The following CACNA2D2 variants were observed in gnomAD, a reference collection of about 807,000 sequenced individuals.
CACNA2D2 encodes calcium voltage-gated channel auxiliary subunit alpha2delta 2.
A neutral mutation model predicts 166.4 loss-of-function variants in CACNA2D2; 48 were observed. The observed-to-expected ratio is 0.29, with a 90% CI of 0.23 to 0.37. CACNA2D2 has a LOEUF of 0.37. Ranked by LOEUF, CACNA2D2 falls within the 10% of genes least tolerant of loss-of-function variation. The pLI is 1.00. For synonymous variants in CACNA2D2, 561 were observed against 573.7 expected, an observed-to-expected ratio of 0.98 and a Z score of 0.32; for missense variants, 1,122 against 1,433.0, an observed-to-expected ratio of 0.78 and a Z score of 3.50.
chr3:50,464,792 G>A (rs1709758716), intron 2 of CACNA2D2, among the ~76,000 whole-genome samples: 1 of 152,158 alleles, frequency 6.6e-6, no homozygotes, highest in Admixed American at 6.5e-5. Context: ...ATAATGGCTG[G>A]GGAAGCAGGG....
intron 3 of CACNA2D2, among the ~76,000 whole-genome samples, chr3:50,429,530 A>C (rs1239378145): frequency 6.7e-6 from 1 of 148,460 alleles, no homozygotes; most frequent in Non-Finnish European, 1.5e-5. Flanking sequence ...AGACGGGCGG[A>C]TCACGAGGTC....
At chr3:50,410,022 T>C (rs1318017464) in intron 3 of CACNA2D2, among the ~76,000 whole-genome samples, 1 of 152,124 alleles carries the variant, frequency 6.6e-6, no homozygotes, top group Non-Finnish European at 1.5e-5. Context: ...GGGAGTTGTA[T>C]ACACTCCCCA....
At position 50,367,273 on chromosome 3, in the gene CACNA2D2, C is replaced by G; in HGVS notation, c.2401+121G>C. On this transcript the variant is annotated intron_variant, in intron 27 of 37. Coordinates refer to ENST00000424201, the MANE Select transcript of CACNA2D2 (RefSeq NM_006030.4). This position sits in a 1 kb window ranked among gnomAD's most constrained non-coding sequence, Gnocchi z 6.5. ...AGTCTATCCCTCTTTTCACGTCTGCCCTGGCCTCAGCCAGCCTTGTGTTGG... is the reference window on the plus strand; with the variant it reads ...AGTCTATCCCTCTTTTCACGTCTGCGCTGGCCTCAGCCAGCCTTGTGTTGG... The G allele has an allele frequency of 9.4e-7, 1 of 1,063,562 alleles. No homozygotes were observed. Among genetic ancestry groups the G allele is most frequent in the Non-Finnish European group, 1.4e-6 (1 of 702,384 alleles). 65.9% of individuals were successfully genotyped at this position (1,063,562 alleles called of 1,614,324 possible). A position where few individuals can be genotyped will look rare whatever the true frequency, so the allele number is the denominator to read the frequency against.
intron 1 of CACNA2D2, among the ~76,000 whole-genome samples, chr3:50,485,745 G>A (rs995431711): frequency 6.6e-6 from 1 of 152,250 alleles, no homozygotes; most frequent in African/African-American, 2.4e-5. Context: ...ACCAGCAACT[G>A]CCCTGGTAAC....
At chr3:50,477,560 A>C (rs1697842686) in intron 1 of CACNA2D2, among the ~76,000 whole-genome samples, 1 of 152,108 alleles carries the variant, frequency 6.6e-6, no homozygotes, top group Non-Finnish European at 1.5e-5. Context: ...ACCACACAGA[A>C]CCACAAAGGT....
At chr3:50,434,888 C>T (rs1275413310) in intron 2 of CACNA2D2, among the ~76,000 whole-genome samples, 5 of 152,240 alleles carry the variant, frequency 3.3e-5, no homozygotes, top group Non-Finnish European at 7.3e-5. Flanking sequence ...TGCATGGGCA[C>T]ACACACAGCC....
At chr3:50,395,226 T>C (rs1706091416) in intron 3 of CACNA2D2, among the ~76,000 whole-genome samples, 1 of 152,216 alleles carries the variant, frequency 6.6e-6, no homozygotes, top group East Asian at 1.9e-4. Context: ...GCTGTGCACC[T>C]TGTACCATTC....
At chr3:50,496,072 A>G (rs1054692447) in intron 1 of CACNA2D2, among the ~76,000 whole-genome samples, 1 of 152,242 alleles carries the variant, frequency 6.6e-6, no homozygotes, top group Non-Finnish European at 1.5e-5. Context: ...CACTGGCCCT[A>G]ACAATCAGGA....
chr3:50,448,063 A>G (rs1708933858), intron 2 of CACNA2D2, among the ~76,000 whole-genome samples: 1 of 152,102 alleles, frequency 6.6e-6, no homozygotes. Context: ...CTGAGTTGCT[A>G]TCACTTCCCC....
Position 50,380,643 on chromosome 3 carries a change from G to T in CACNA2D2, c.842+105C>A. ...TGTGAAATGAAAATTGGATACAGCT[G>T]GCTGCGCCCTGCTAGGAGGCTTGGA... is the stretch of plus-strand genomic sequence containing the variant. On this transcript the variant is annotated intron_variant, in intron 8 of 37. Transcript: ENST00000424201. This position sits in a 1 kb window ranked among gnomAD's most constrained non-coding sequence, Gnocchi z 4.9. The T allele has an allele frequency of 1.1e-6, 1 of 923,102 alleles. No homozygotes were observed. The highest frequency in any genetic ancestry group is 1.6e-6 in the Non-Finnish European group (1 of 627,056). 57.2% of individuals were successfully genotyped at this position (923,102 alleles called of 1,614,324 possible).
intron 3 of CACNA2D2, among the ~76,000 whole-genome samples, chr3:50,418,740 AG>A (rs1382713503): frequency 6.6e-6 from 1 of 152,022 alleles, no homozygotes; most frequent in Non-Finnish European, 1.5e-5. Flanking sequence ...CAGGGTGGAG[AG>A]GGAGAATGAG....
chr3:50,436,730 T>C lies in CACNA2D2; in HGVS notation c.289-2301A>G, dbSNP rs139793690. ...CAGAATTCTGCAGATGGAATCATAGTCCCTCCCTGCCCCCACTCTCTCCCT... is the reference window on the plus strand; with the variant it reads ...CAGAATTCTGCAGATGGAATCATAGCCCCTCCCTGCCCCCACTCTCTCCCT... On this transcript the variant is annotated intron_variant, in intron 2 of 37. Transcript: ENST00000424201. 4.1e-3 allele frequency among the ~76,000 whole-genome samples: 629 copies of C among 152,290 alleles called. 14 individuals carry two copies. Among genetic ancestry groups the C allele is most frequent in the Admixed American group, 0.033 (501 of 15,292 alleles).
chr3:50,392,121 G>A (rs1450013972), intron 4 of CACNA2D2, among the ~76,000 whole-genome samples: 1 of 152,140 alleles, frequency 6.6e-6, no homozygotes, highest in African/African-American at 2.4e-5. Context: ...GTCATCTCCT[G>A]AAGGTCATTG....
chr3:50,369,515 C>A (rs1704537061), intron 23 of CACNA2D2, among the ~76,000 whole-genome samples: 1 of 152,260 alleles, frequency 6.6e-6, no homozygotes, highest in South Asian at 2.1e-4. Flanking sequence ...AAACTGGGTG[C>A]ATGCACATAC....
In CACNA2D2 at chr3:50,380,771, C is replaced by T; in HGVS notation, c.819G>A (p.Leu273=). The T allele has an allele frequency of 2.6e-6, 4 of 1,550,212 alleles. No individual in the cohort carries two copies. The highest frequency in any genetic ancestry group is 3.5e-6 in the Non-Finnish European group (4 of 1,148,572). The stretch of plus-strand genomic sequence containing the variant: ...ACCAGGGTCTCCTTCGGACATCGTA[C>T]AGGTCGATCTTCTTGGGGGCTCGCC... ...TPWRAPKKID[L]YDVRRRPWYI... Residue 273 remains leucine (L), a synonymous_variant, in exon 8 of 38, where the codon CTG becomes CTA. Coordinates refer to ENST00000424201, the MANE Select transcript of CACNA2D2 (RefSeq NM_006030.4). The surrounding 1 kb of genome is among the most constrained non-coding windows in gnomAD (Gnocchi z 4.9).
intron 3 of CACNA2D2, among the ~76,000 whole-genome samples, chr3:50,418,506 T>C (rs1206135782): frequency 6.6e-6 from 1 of 152,174 alleles, no homozygotes; most frequent in Non-Finnish European, 1.5e-5. Flanking sequence ...ACAGGCCCAC[T>C]CAACTCCTTG....
chr3:50,387,709 C>T, intron 4 of CACNA2D2, 97 bp from the exon 5 acceptor site: 1 of 945,040 alleles, frequency 1.1e-6, no homozygotes, highest in Non-Finnish European at 1.7e-6. Context: ...TTAGATTCCT[C>T]TGGGGCAGAG....
chr3:50,491,893 C>T (rs1055559828), intron 1 of CACNA2D2, among the ~76,000 whole-genome samples: 13 of 152,318 alleles, frequency 8.5e-5, no homozygotes, highest in Admixed American at 3.3e-4. Context: ...CTGCCCTTGG[C>T]TGACTGGCTC....
intron 2 of CACNA2D2, among the ~76,000 whole-genome samples, chr3:50,454,624 G>A (rs1412744499): frequency 1.3e-5 from 2 of 152,234 alleles, no homozygotes; most frequent in Admixed American, 1.3e-4. Flanking sequence ...CGGGAGATTA[G>A]CAGTTTAGAG....
Sources: allele counts gnomAD v4.1 joint callset (sites outside exome capture counted in the v4.1 genomes callset), GRCh38; gene constraint gnomAD v4.1.1; non-coding constraint Gnocchi (gnomAD v3.1); transcripts MANE v1.5; gene names NCBI Gene and HGNC (gene_info 2026-07-23, HGNC 2026-07-21).